AIF1L: variants seen among roughly 807,000 people sequenced by gnomAD.
AIF1L encodes the protein allograft inflammatory factor 1-like.
A neutral mutation model predicts 20.7 loss-of-function variants in AIF1L; 12 were observed. That is an observed-to-expected ratio of 0.58 (90% CI 0.37 to 0.94). The LOEUF (loss-of-function observed/expected upper bound fraction) is 0.94. Ranked by LOEUF, AIF1L falls within the 40% of genes least tolerant of loss-of-function variation. The pLI, the probability that AIF1L is intolerant of heterozygous loss-of-function variation, is 0.01. For missense variants in AIF1L, 173 were observed against 185.3 expected (o/e 0.93, Z 0.39); for synonymous variants, 76 against 65.1 (o/e 1.17, Z -0.81).
chr9:131,106,096 G>C, intron 2 of AIF1L: 1 of 1,393,600 alleles, frequency 7.2e-7, no homozygotes, highest in South Asian at 1.3e-5. Context: ...TGTTTATTGA[G>C]TGTCTACGAT....
chr9:131,099,106 A>AT (rs1021477193), intron 2 of AIF1L, among the ~76,000 whole-genome samples: 8 of 152,094 alleles, frequency 5.3e-5, no homozygotes, highest in African/African-American at 1.9e-4. Context: ...AATGGTTGTG[A>AT]TTTTTTCAGT....
chr9:131,109,959 C>T (rs1356942001), intron 2 of AIF1L, among the ~76,000 whole-genome samples: 1 of 152,188 alleles, frequency 6.6e-6, no homozygotes, highest in Admixed American at 6.5e-5. Context: ...CCTGTAATCC[C>T]AGCACTTTGG....
intron 3 of AIF1L, chr9:131,114,169 G>A (rs189930123): frequency 2.8e-5 from 6 of 211,520 alleles, no homozygotes; most frequent in East Asian, 2.1e-4. Context: ...TGCCTGGGAC[G>A]CTAAAAAGCA....
chr9:131,096,714 G>A (rs1359631033), intron 1 of AIF1L, 54 bp downstream of exon 1: 21 of 1,449,004 alleles, frequency 1.4e-5, no homozygotes, highest in Admixed American at 3.1e-5. Context: ...GGACCGCGGG[G>A]TCCACCGCGC....
intron 2 of AIF1L, among the ~76,000 whole-genome samples, chr9:131,107,542 G>A (rs1250512906): frequency 6.6e-6 from 1 of 152,228 alleles, no homozygotes; most frequent in African/African-American, 2.4e-5. Flanking sequence ...TTGGTAAAGT[G>A]AAGGAAATGC....
At chr9:131,118,740 T>G (rs560978034) in intron 5 of AIF1L, among the ~76,000 whole-genome samples, 1 of 151,896 alleles carries the variant, frequency 6.6e-6, no homozygotes, top group Middle Eastern at 3.4e-3. Context: ...AGAAATGGGG[T>G]TTCGCCATGT....
At chr9:131,114,515 T>C in intron 3 of AIF1L, 62 bp from the exon 4 acceptor site, 2 of 1,589,024 alleles carry the variant, frequency 1.3e-6, no homozygotes, top group Non-Finnish European at 1.7e-6. Flanking sequence ...AGGGAGCCAC[T>C]GGGTCCCCAC....
intron 3 of AIF1L, 196 bp from the exon 4 acceptor site, chr9:131,114,381 A>G (rs1830961195): frequency 3.4e-6 from 2 of 596,226 alleles, no homozygotes; most frequent in Non-Finnish European, 3.1e-6. Context: ...CTAGGAGAGT[A>G]GTCCAGGCAG....
rs375855425 is a variant in AIF1L, at chr9:131,115,851, G to A, written c.202+1233G>A. Reference sequence around the variant, plus strand: ...TAGCCGGGCATGGTGGCAGATGCCTGTAATCCCAGCTACTCGGGAGGCTGA... The same window carrying A: ...TAGCCGGGCATGGTGGCAGATGCCTATAATCCCAGCTACTCGGGAGGCTGA... On this transcript the variant is annotated intron_variant, in intron 4 of 5. Transcript: ENST00000247291. 1.3e-4 allele frequency among the ~76,000 whole-genome samples: 19 copies of A among 151,842 alleles called. No homozygotes were observed. The Middle Eastern group carries it at 0.01, about 82-fold the overall frequency.
At chr9:131,116,472 C>T (rs1052956249) in intron 4 of AIF1L, among the ~76,000 whole-genome samples, 3 of 152,172 alleles carry the variant, frequency 2.0e-5, no homozygotes, top group Non-Finnish European at 4.4e-5. Context: ...CCATGTTGGC[C>T]AGGCTGGACT....
chr9:131,119,325 AC>A (rs1831083176), intron 5 of AIF1L, among the ~76,000 whole-genome samples: 1 of 151,878 alleles, frequency 6.6e-6, no homozygotes, highest in Admixed American at 6.6e-5. Flanking sequence ...ACATGGTGAA[AC>A]CCCGTTTCTA....
rs149274347 is a variant in AIF1L at position 131,120,288 on chromosome 9, C to T, written c.419C>T (p.Pro140Leu). 1.0e-4 allele frequency: 166 copies of T among 1,613,706 alleles called. No homozygotes were observed. Among genetic ancestry groups the T allele is most frequent in the Non-Finnish European group, 7.2e-5 (85 of 1,179,950 alleles). ...ANESSPKPVG[P>L]PPERDIASLP ...GAGAGCAGCCCCAAGCCAGTTGGCC[C>T]CCCTCCAGAGAGAGACATTGCTAGC... The change falls in exon 6 of 6, where the codon CCC (proline) becomes CTC (leucine). Residue 140 changes from proline to leucine, a missense_variant. Physicochemically the swap from Pro to Leu is moderately conservative, Grantham distance 98. Transcript: ENST00000247291.
chr9:131,096,889 G>A, intron 2 of AIF1L, 26 bp downstream of exon 2: 1 of 1,516,786 alleles, frequency 6.6e-7, no homozygotes. Context: ...AGGGCAGCAC[G>A]CGAGTCCCGA....
chr9:131,099,279 A>G (rs1830589277), intron 2 of AIF1L, among the ~76,000 whole-genome samples: 1 of 152,186 alleles, frequency 6.6e-6, no homozygotes, highest in Admixed American at 6.5e-5. Flanking sequence ...CCAGCCTGAA[A>G]TGGGAGCAGG....
At chr9:131,119,855 T>TG (rs1410970560) in intron 5 of AIF1L, among the ~76,000 whole-genome samples, 1 of 152,144 alleles carries the variant, frequency 6.6e-6, no homozygotes, top group Non-Finnish European at 1.5e-5. Flanking sequence ...CTCAGAGCAG[T>TG]GGGCAGGTTT....
At chr9:131,100,943 G>A (rs1280017969) in intron 2 of AIF1L, among the ~76,000 whole-genome samples, 2 of 152,090 alleles carry the variant, frequency 1.3e-5, no homozygotes, top group East Asian at 3.9e-4. Flanking sequence ...TGTCACCCAG[G>A]GTGGAGTGCA....
chr9:131,100,827 G>A (rs995375649), intron 2 of AIF1L, among the ~76,000 whole-genome samples: 1 of 152,216 alleles, frequency 6.6e-6, no homozygotes, highest in Non-Finnish European at 1.5e-5. Flanking sequence ...GCTGTGCCCT[G>A]GGACTTAGCA....
Position 131,122,132 on chromosome 9 carries a change from G to A in AIF1L, c.*1810G>A, listed in dbSNP as rs1454946354. The stretch of plus-strand genomic sequence containing the variant: ...GTCCTGGGGGCCTAGATGGGCCCAA[G>A]ACTGGGTGAGAGTCTTGGCAGAGCC... On this transcript the variant is annotated 3_prime_UTR_variant, in exon 6 of 6. Coordinates refer to ENST00000247291, the MANE Select transcript of AIF1L (RefSeq NM_031426.4). 1 of 152,292 alleles carries A rather than the reference G, an allele frequency of 6.6e-6. No homozygotes were observed. The highest frequency in any genetic ancestry group is 2.4e-5 in the African/African-American group (1 of 41,436). 9.4% of individuals were successfully genotyped at this position (152,292 alleles called of 1,614,324 possible).
intron 2 of AIF1L, among the ~76,000 whole-genome samples, chr9:131,107,126 G>A (rs1028377753): frequency 6.6e-6 from 1 of 152,074 alleles, no homozygotes; most frequent in African/African-American, 2.4e-5. Context: ...AAAAAGACAA[G>A]GTGACATTGA....
Sources: gnomAD v4.1 joint callset for allele counts (sites outside exome capture counted in the v4.1 genomes callset) on GRCh38, gnomAD v4.1.1 for gene constraint, MANE v1.5 for transcripts, NCBI Gene and HGNC (gene_info 2026-07-23, HGNC 2026-07-21) for gene names.